The following NCKAP5 variants were observed in gnomAD, a reference collection of about 807,000 sequenced individuals.
The protein encoded by NCKAP5 is nck-associated protein 5.
A neutral mutation model predicts 167.0 loss-of-function variants in NCKAP5; 92 were observed. The ratio of observed to expected loss-of-function variants is 0.55; its 90% CI spans 0.47 to 0.66. The LOEUF (loss-of-function observed/expected upper bound fraction) is 0.66, where lower values mean the gene tolerates loss of function less well. Among genes scored for constraint, NCKAP5 ranks in the 30% least tolerant of loss-of-function variants. The pLI is 0.00. For synonymous variants in NCKAP5, 891 were observed against 877.4 expected (o/e 1.02, Z -0.27); for missense variants, 2,378 against 2,315.0 (o/e 1.03, Z -0.56).
chr2:133,397,795 A>G (rs184587183), intron 3 of NCKAP5, among the ~76,000 whole-genome samples: 95 of 152,246 alleles, frequency 6.2e-4, no homozygotes, highest in African/African-American at 2.2e-3. Flanking sequence ...GTTTTATCTA[A>G]TTTGCATAGG....
At chr2:132,789,512 C>T (rs1360330954) in intron 13 of NCKAP5, among the ~76,000 whole-genome samples, 2 of 152,184 alleles carry the variant, frequency 1.3e-5, no homozygotes, top group Non-Finnish European at 2.9e-5. Context: ...AAACCATGAA[C>T]TAAATTTATA....
At chr2:133,178,945 C>A (rs2084608431) in intron 5 of NCKAP5, among the ~76,000 whole-genome samples, 1 of 151,578 alleles carries the variant, frequency 6.6e-6, no homozygotes, top group Non-Finnish European at 1.5e-5. Context: ...GCAGGTGGAT[C>A]ACTTGAGGCC....
chr2:133,250,495 C>G (rs1176092014), intron 4 of NCKAP5, among the ~76,000 whole-genome samples: 1 of 152,182 alleles, frequency 6.6e-6, no homozygotes, highest in African/African-American at 2.4e-5. Context: ...GGTGTGGTTC[C>G]TGACACCATG....
At chr2:133,244,453 C>T (rs557756774) in intron 4 of NCKAP5, among the ~76,000 whole-genome samples, 1 of 152,166 alleles carries the variant, frequency 6.6e-6, no homozygotes, top group Admixed American at 6.6e-5. Context: ...TTATATAACC[C>T]TATTTTATGC....
chr2:133,207,293 T>C (rs1291559043), intron 5 of NCKAP5, among the ~76,000 whole-genome samples: 3 of 152,160 alleles, frequency 2.0e-5, no homozygotes, highest in African/African-American at 7.2e-5. Flanking sequence ...AACTGACACT[T>C]AGGGAAAATA....
At chr2:133,245,866 A>G (rs1439230627) in intron 4 of NCKAP5, among the ~76,000 whole-genome samples, 2 of 150,674 alleles carry the variant, frequency 1.3e-5, no homozygotes, top group African/African-American at 4.9e-5. Flanking sequence ...TATAACTCAG[A>G]GCAAAAAAGG....
intron 6 of NCKAP5, among the ~76,000 whole-genome samples, chr2:133,085,071 T>C (rs952846576): frequency 1.3e-5 from 2 of 152,176 alleles, no homozygotes; most frequent in Non-Finnish European, 2.9e-5. Context: ...TAGTTGGTAA[T>C]ACAAAAACAG....
intron 11 of NCKAP5, among the ~76,000 whole-genome samples, chr2:132,851,391 T>C (rs992333283): frequency 6.6e-6 from 1 of 152,178 alleles, no homozygotes; most frequent in African/African-American, 2.4e-5. Context: ...GGCATTAGGA[T>C]ATGAGAGTAT....
chr2:132,741,706 G>A (rs16840590), intron 16 of NCKAP5, among the ~76,000 whole-genome samples: 41,068 of 151,974 alleles, frequency 0.27, 6,093 homozygotes, highest in East Asian at 0.59. Flanking sequence ...CTTCTAGAGT[G>A]CCAAATAAAT....
chr2:133,618,797 A>G, the NCKAP5 span, among the ~76,000 whole-genome samples: 1 of 142,248 alleles, frequency 7.0e-6, no homozygotes, highest in Admixed American at 7.0e-5. Context: ...CAGCCATCCC[A>G]TTACTGGGTA....
intron 3 of NCKAP5, among the ~76,000 whole-genome samples, chr2:133,496,634 G>A (rs1255489051): frequency 2.0e-5 from 3 of 152,142 alleles, no homozygotes; most frequent in South Asian, 2.1e-4. Context: ...TTAGAAATGC[G>A]AATTCATGGC....
intron 11 of NCKAP5, among the ~76,000 whole-genome samples, chr2:132,817,282 T>C (rs1240680916): frequency 2.0e-5 from 3 of 152,212 alleles, no homozygotes; most frequent in African/African-American, 7.2e-5. Context: ...TGTTGATCGA[T>C]GTTGGCTCTT....
At chr2:132,861,698 C>T (rs1412629177) in intron 10 of NCKAP5, among the ~76,000 whole-genome samples, 2 of 152,092 alleles carry the variant, frequency 1.3e-5, no homozygotes, top group Non-Finnish European at 2.9e-5. Flanking sequence ...CCTCTCTGAC[C>T]TTTTACCTGG....
At chr2:133,128,405 A>G (rs1247668992) in intron 6 of NCKAP5, among the ~76,000 whole-genome samples, 3 of 152,226 alleles carry the variant, frequency 2.0e-5, no homozygotes, top group Non-Finnish European at 2.9e-5. Context: ...GTAAATGCAC[A>G]GTTTTCTGGG....
intron 4 of NCKAP5, chr2:133,268,886 G>A (rs956083096): frequency 8.5e-5 from 13 of 152,150 alleles, no homozygotes; most frequent in African/African-American, 2.9e-4. Context: ...GCCAAGAAAT[G>A]AGTATTTCAA....
intron 4 of NCKAP5, among the ~76,000 whole-genome samples, chr2:133,218,513 T>A (rs144255118): frequency 6.6e-6 from 1 of 152,198 alleles, no homozygotes; most frequent in African/African-American, 2.4e-5. Context: ...TTTGAAAGGG[T>A]CTTGGAGATA....
At chr2:133,084,615 G>A (rs886802193) in intron 6 of NCKAP5, among the ~76,000 whole-genome samples, 3 of 152,106 alleles carry the variant, frequency 2.0e-5, no homozygotes, top group African/African-American at 4.8e-5. Context: ...TAAGCACATC[G>A]AAATGGTATA....
intron 4 of NCKAP5, among the ~76,000 whole-genome samples, chr2:133,225,748 G>A (rs2086853464): frequency 6.8e-6 from 1 of 147,384 alleles, no homozygotes; most frequent in Admixed American, 6.9e-5. Flanking sequence ...TGAGTAACTG[G>A]GATCACAGGT....
intron 3 of NCKAP5, among the ~76,000 whole-genome samples, chr2:133,487,059 G>A (rs763545162): frequency 6.6e-6 from 1 of 152,090 alleles, no homozygotes; most frequent in Non-Finnish European, 1.5e-5. Context: ...CTCAAAAATA[G>A]CCCGGACATT....
Sources: allele counts gnomAD v4.1 joint callset (sites outside exome capture counted in the v4.1 genomes callset), GRCh38; gene constraint gnomAD v4.1.1; transcripts MANE v1.5; gene names NCBI Gene and HGNC (gene_info 2026-07-23, HGNC 2026-07-21).